Variants in HIBCH observed in about 807,000 individuals in gnomAD.
HIBCH encodes the protein 3-hydroxyisobutyryl-CoA hydrolase, mitochondrial.
Under a neutral mutation model 58.2 loss-of-function variants are expected in HIBCH, and 50 were observed. The observed-to-expected ratio is 0.86, with a 90% CI of 0.68 to 1.09. HIBCH has a LOEUF of 1.09. HIBCH is among the 50% of genes least tolerant of loss of function. The probability of loss-of-function intolerance (pLI) is 0.00; values close to 1 mark genes in which losing one functional copy is unlikely to be tolerated. For synonymous variants in HIBCH, 151 were observed against 146.9 expected, an observed-to-expected ratio of 1.03 and a Z score of -0.20; for missense variants, 450 against 449.7, an observed-to-expected ratio of 1.00 and a Z score of -0.01.
intron 6 of HIBCH, among the ~76,000 whole-genome samples, chr2:190,280,472 A>C (rs1302696312): frequency 1.3e-5 from 2 of 152,178 alleles, no homozygotes; most frequent in Admixed American, 1.3e-4. Context: ...CAGCAGGGAA[A>C]GGCAGTCTCC....
Position 190,304,490 on chromosome 2 carries a change from C to G in HIBCH, c.78+6264G>C, listed in dbSNP as rs571228505. Among the ~76,000 whole-genome samples the G allele has an allele frequency of 6.6e-6, 1 of 152,244 alleles. No homozygotes were observed. The highest frequency in any genetic ancestry group is 2.1e-4 in the South Asian group (1 of 4,816). On this transcript the variant is annotated intron_variant, in intron 2 of 13. Coordinates refer to ENST00000359678, the MANE Select transcript of HIBCH (RefSeq NM_014362.4). The surrounding 1 kb of genome is among the most constrained non-coding windows in gnomAD (Gnocchi z 4.1). ...CCCATTAATCAATTAATGGATTAATCCTTCGTGAGGACAGAGGCCTCGTGA... is the reference window on the plus strand; with the variant it reads ...CCCATTAATCAATTAATGGATTAATGCTTCGTGAGGACAGAGGCCTCGTGA...
At chr2:190,272,482 C>T (rs1012092297) in intron 6 of HIBCH, among the ~76,000 whole-genome samples, 1 of 152,120 alleles carries the variant, frequency 6.6e-6, no homozygotes, top group African/African-American at 2.4e-5. Flanking sequence ...GAAACAGAAA[C>T]CTCTAGACCA....
At chr2:190,273,848 G>A (rs752935173) in intron 6 of HIBCH, among the ~76,000 whole-genome samples, 6 of 150,540 alleles carry the variant, frequency 4.0e-5, no homozygotes, top group African/African-American at 9.8e-5. Context: ...TTTTTCCTGC[G>A]GCAGGGTCTC....
intron 6 of HIBCH, among the ~76,000 whole-genome samples, chr2:190,272,163 T>C (rs1394156125): frequency 6.6e-6 from 1 of 152,222 alleles, no homozygotes; most frequent in Non-Finnish European, 1.5e-5. Flanking sequence ...TATTGTTTAA[T>C]GTATTTCCAG....
chr2:190,291,292 G>A (rs1243536413), intron 4 of HIBCH, among the ~76,000 whole-genome samples: 2 of 152,168 alleles, frequency 1.3e-5, no homozygotes, highest in African/African-American at 4.8e-5. Context: ...TGGCTGTCCT[G>A]GAGTTTAGAC....
At chr2:190,234,084 G>C (rs1188980189) in intron 11 of HIBCH, among the ~76,000 whole-genome samples, 1 of 152,174 alleles carries the variant, frequency 6.6e-6, no homozygotes, top group African/African-American at 2.4e-5. Context: ...TTAAACCTGG[G>C]AGGTGGAGCT....
chr2:190,310,643 T>A (rs1308935337), intron 2 of HIBCH, 111 bp downstream of exon 2: 13 of 873,428 alleles, frequency 1.5e-5, no homozygotes, highest in Non-Finnish European at 2.6e-5. Flanking sequence ...AGAACCATGA[T>A]GTACCTAAGG....
intron 6 of HIBCH, among the ~76,000 whole-genome samples, chr2:190,273,110 C>T (rs1038339354): frequency 6.6e-5 from 10 of 151,980 alleles, no homozygotes; most frequent in African/African-American, 9.7e-5. Flanking sequence ...AGCAATCCTA[C>T]GGCCAGGCGC....
chr2:190,232,281 T>A (rs1373240276), intron 11 of HIBCH, among the ~76,000 whole-genome samples: 1 of 152,050 alleles, frequency 6.6e-6, no homozygotes, highest in Admixed American at 6.6e-5. Context: ...TAAACATACA[T>A]CAAAAAACAC....
rs755819810 is a variant in HIBCH, at chr2:190,273,697, G to GT, written c.439-12464dup. Among the ~76,000 whole-genome samples the GT allele has an allele frequency of 5.1e-3, 481 of 93,836 alleles. 1 individual carries two copies. The highest frequency in any genetic ancestry group is 6.0e-3 in the Non-Finnish European group (234 of 38,884). The allele number at this position is 93,836 out of a possible 152,430, so 61.6% of individuals were successfully genotyped here. Reference sequence around the variant, plus strand: ...AAGAAAGCTCCTTTCATATCTTCCAGTTTTTTTAAAAAAAAAAGAGATTTA... The same window carrying GT: ...AAGAAAGCTCCTTTCATATCTTCCAGTTTTTTTTAAAAAAAAAAGAGATTTA... On this transcript the variant is annotated intron_variant, in intron 6 of 13. Coordinates refer to ENST00000359678, the MANE Select transcript of HIBCH (RefSeq NM_014362.4).
Position 190,217,743 on chromosome 2 carries a change from G to A in HIBCH, c.892-4668C>T, listed in dbSNP as rs1192756208. On this transcript the variant is annotated intron_variant, in intron 11 of 13. Transcript: ENST00000359678. This position sits in a 1 kb window ranked among gnomAD's most constrained non-coding sequence, Gnocchi z 4.6. Reference sequence around the variant, plus strand: ...AAGAAGACATGCTCCACCCAAGCTGGGAAAGTCCGTAACAAGTGCTCCTAA... The same window carrying A: ...AAGAAGACATGCTCCACCCAAGCTGAGAAAGTCCGTAACAAGTGCTCCTAA... Among the ~76,000 whole-genome samples the A allele has an allele frequency of 2.0e-5, 3 of 152,112 alleles. No individual in the cohort carries two copies. Among genetic ancestry groups the A allele is most frequent in the African/African-American group, 7.2e-5 (3 of 41,412 alleles).
rs571687635 is a variant in HIBCH at position 190,297,764 on chromosome 2, T to C, written c.79-811A>G. Among the ~76,000 whole-genome samples, 29 of 152,324 alleles carry C rather than the reference T, an allele frequency of 1.9e-4. 1 individual carries two copies. Among genetic ancestry groups the C allele is most frequent in the Admixed American group, 4.6e-4 (7 of 15,304 alleles). ...GGACTCATGGCATCACTATTCTAAG[T>C]TCTGGGATACATGTGCTGAATGTGC... On this transcript the variant is annotated intron_variant, in intron 2 of 13. Transcript: ENST00000359678.
intron 1 of HIBCH, among the ~76,000 whole-genome samples, chr2:190,190,648 G>A (rs777450991): frequency 4.6e-5 from 7 of 152,148 alleles, no homozygotes; most frequent in Non-Finnish European, 7.3e-5. Context: ...TAAAATGGTT[G>A]TACCATTTTA....
intron 11 of HIBCH, among the ~76,000 whole-genome samples, chr2:190,225,641 C>T (rs1008332407): frequency 1.3e-5 from 2 of 152,188 alleles, no homozygotes; most frequent in African/African-American, 2.4e-5. Context: ...GCCCACCAAC[C>T]GAAAAAACTC....
intron 4 of HIBCH, among the ~76,000 whole-genome samples, chr2:190,291,011 C>T (rs1687943290): frequency 6.6e-6 from 1 of 151,860 alleles, no homozygotes; most frequent in African/African-American, 2.4e-5. Flanking sequence ...ACCCTGTCTC[C>T]TTAAAAAAAA....
intron 1 of HIBCH, among the ~76,000 whole-genome samples, chr2:190,317,099 T>C (rs1309286815): frequency 6.6e-6 from 1 of 152,132 alleles, no homozygotes; most frequent in African/African-American, 2.4e-5. Flanking sequence ...TTTCTTATTT[T>C]TTGTAGAAAC....
rs1048624133 is a variant in HIBCH, at chr2:190,254,643, C to T, written c.518-2336G>A. Among the ~76,000 whole-genome samples, 7 of 152,196 alleles carry T rather than the reference C, an allele frequency of 4.6e-5. No homozygotes were observed. The highest frequency in any genetic ancestry group is 8.8e-5 in the Non-Finnish European group (6 of 68,034). On this transcript the variant is annotated intron_variant, in intron 7 of 13. Transcript: ENST00000359678. The surrounding 1 kb of genome is among the most constrained non-coding windows in gnomAD (Gnocchi z 5.0). ...GATTCACAAACCTCCAACTACACTGCTCCTTCCCTCATCAGCCTCATCCAT... is the reference window on the plus strand; with the variant it reads ...GATTCACAAACCTCCAACTACACTGTTCCTTCCCTCATCAGCCTCATCCAT...
chr2:190,297,415 A>C (rs1688131771), intron 2 of HIBCH, among the ~76,000 whole-genome samples: 1 of 152,228 alleles, frequency 6.6e-6, no homozygotes, highest in Non-Finnish European at 1.5e-5. Flanking sequence ...AATTCCAGGC[A>C]AAGGAAACAG....
chr2:190,302,565 G>A (rs1002843587), intron 2 of HIBCH, among the ~76,000 whole-genome samples: 10 of 152,268 alleles, frequency 6.6e-5, no homozygotes, highest in African/African-American at 2.2e-4. Flanking sequence ...AGGAACAACA[G>A]TCAGGTAGTT....
Sources: allele counts gnomAD v4.1 joint callset (sites outside exome capture counted in the v4.1 genomes callset), GRCh38; gene constraint gnomAD v4.1.1; non-coding constraint Gnocchi (gnomAD v3.1); transcripts MANE v1.5; gene names NCBI Gene and HGNC (gene_info 2026-07-23, HGNC 2026-07-21).